Variants in PRR5L observed in about 807,000 individuals in gnomAD.
PRR5L encodes the protein proline-rich protein 5-like.
PRR5L carries 21 observed loss-of-function variants against 36.4 expected under a neutral mutation model. That is an observed-to-expected ratio of 0.58 (90% CI 0.41 to 0.83). PRR5L has a LOEUF of 0.83. Ranked by LOEUF, PRR5L falls within the 40% of genes least tolerant of loss-of-function variation. PRR5L has a pLI of 0.00. For synonymous variants in PRR5L, 188 were observed against 197.0 expected (o/e 0.95, Z 0.38); for missense variants, 381 against 473.3 (o/e 0.80, Z 1.81).
chr11:36,394,868 G>C (rs966096781), intron 1 of PRR5L, among the ~76,000 whole-genome samples: 4 of 152,172 alleles, frequency 2.6e-5, no homozygotes, highest in African/African-American at 9.7e-5. Flanking sequence ...GGGGTGGGGA[G>C]ATGTTTTTCT....
At chr11:36,376,003 G>A in intron 1 of PRR5L, 1 of 456,404 alleles carries the variant, frequency 2.2e-6, no homozygotes, top group South Asian at 1.7e-5. Flanking sequence ...GTTTCCCATT[G>A]CGGGGCAGCT....
rs114850435 is a variant in PRR5L at position 36,440,471 on chromosome 11, G to A, written c.444+2995G>A. ...AAGTCCCAAAGGCAAAATCCATCAT[G>A]TTCTCCAGGTGAGTGCTATAACTAC... On this transcript the variant is annotated intron_variant, in intron 6 of 8. Coordinates refer to ENST00000530639, the MANE Select transcript of PRR5L (RefSeq NM_001160167.2). Among the ~76,000 whole-genome samples the A allele has an allele frequency of 1.8e-3, 271 of 152,252 alleles. 1 individual carries two copies. The highest frequency in any genetic ancestry group is 6.1e-3 in the African/African-American group (253 of 41,536).
chr11:36,376,697 C>G, intron 1 of PRR5L: 1 of 989,830 alleles, frequency 1.0e-6, no homozygotes. Flanking sequence ...GCCGGGGACC[C>G]CAAGGAGGTG....
intron 1 of PRR5L, among the ~76,000 whole-genome samples, chr11:36,380,819 A>G (rs1857354841): frequency 1.3e-5 from 2 of 152,200 alleles, no homozygotes; most frequent in African/African-American, 4.8e-5. Flanking sequence ...CTTTTAAAAA[A>G]TATTGCATTT....
intron 5 of PRR5L, 133 bp downstream of exon 5, chr11:36,432,043 T>A: frequency 1.5e-6 from 1 of 660,838 alleles, no homozygotes; most frequent in Non-Finnish European, 2.6e-6. Context: ...CCTCCCTACC[T>A]AGGCAGCAGC....
rs931207555 is a variant in PRR5L, at chr11:36,377,050, G to A, written c.-125-23947G>A. 2.8e-4 allele frequency among the ~76,000 whole-genome samples: 43 copies of A among 152,298 alleles called. No individual in the cohort carries two copies. Among genetic ancestry groups the A allele is most frequent in the Non-Finnish European group, 1.5e-4 (10 of 68,018 alleles). On this transcript the variant is annotated intron_variant, in intron 1 of 8. Transcript: ENST00000530639. This position sits in a 1 kb window ranked among gnomAD's most constrained non-coding sequence, Gnocchi z 5.1. ...GATCATGGGACCTAGGCTGAGCCGGGAGGTCGAAAAAGAAAGTCGGCTTGT... is the reference window on the plus strand; with the variant it reads ...GATCATGGGACCTAGGCTGAGCCGGAAGGTCGAAAAAGAAAGTCGGCTTGT...
At chr11:36,404,266 G>T (rs569055867) in intron 3 of PRR5L, among the ~76,000 whole-genome samples, 1 of 132,076 alleles carries the variant, frequency 7.6e-6, no homozygotes, top group Non-Finnish European at 1.6e-5. Flanking sequence ...GATCCATCAG[G>T]TCTTTTTTTT....
intron 7 of PRR5L, among the ~76,000 whole-genome samples, chr11:36,449,150 C>T (rs558266982): frequency 2.6e-5 from 4 of 152,286 alleles, no homozygotes; most frequent in African/African-American, 9.6e-5. Context: ...GTGAAGAACC[C>T]GGATCTTTCC....
intron 1 of PRR5L, among the ~76,000 whole-genome samples, chr11:36,306,961 T>C (rs1374375): frequency 3.6e-3 from 555 of 152,290 alleles, no homozygotes; most frequent in African/African-American, 0.013. Context: ...CTCCTACCCA[T>C]TCACAGGGTT....
Position 36,296,304 on chromosome 11 carries a change from G to C in PRR5L, c.-260G>C, listed in dbSNP as rs1486040017. ...TTCTCTGTCAGTCTTCAGGCCCCAG[G>C]TCAGTGAGTGGCAAGCCAGGCCCAG... On this transcript the variant is annotated 5_prime_UTR_variant, in exon 1 of 9. Transcript: ENST00000530639. 1.3e-5 allele frequency: 2 copies of C among 152,164 alleles called. No homozygotes were observed. The highest frequency in any genetic ancestry group is 1.3e-4 in the Admixed American group (2 of 15,270). 9.4% of individuals were successfully genotyped at this position (152,164 alleles called of 1,614,324 possible). A position where few individuals can be genotyped will look rare whatever the true frequency, so the allele number is the denominator to read the frequency against.
At chr11:36,305,077 TG>T (rs1856416774) in intron 1 of PRR5L, among the ~76,000 whole-genome samples, 2 of 152,294 alleles carry the variant, frequency 1.3e-5, no homozygotes, top group South Asian at 4.1e-4. Context: ...CGTTTAGAAA[TG>T]TTCATAGCAG....
At chr11:36,393,692 G>GT (rs1183965762) in intron 1 of PRR5L, among the ~76,000 whole-genome samples, 2 of 152,112 alleles carry the variant, frequency 1.3e-5, no homozygotes, top group African/African-American at 4.8e-5. Context: ...ATTTTAGGAT[G>GT]TTTTTTCTAT....
At chr11:36,442,345 A>AT (rs59412923) in intron 6 of PRR5L, among the ~76,000 whole-genome samples, 85,055 of 147,186 alleles carry the variant, frequency 0.58, 24,519 homozygotes, top group Admixed American at 0.62. Flanking sequence ...GTTTCTTATA[A>AT]TTTTTTTTTT....
At chr11:36,349,101 G>T (rs1357324505) in intron 1 of PRR5L, among the ~76,000 whole-genome samples, 1 of 151,872 alleles carries the variant, frequency 6.6e-6, no homozygotes, top group Non-Finnish European at 1.5e-5. Context: ...TGTGGCCAAC[G>T]TGGTGAAACC....
intron 3 of PRR5L, among the ~76,000 whole-genome samples, chr11:36,413,204 G>A (rs920674996): frequency 2.6e-5 from 4 of 152,222 alleles, no homozygotes; most frequent in African/African-American, 9.6e-5. Flanking sequence ...AGCCAGCACT[G>A]CTGGGGACTC....
At chr11:36,405,345 A>T (rs1374535054) in intron 3 of PRR5L, among the ~76,000 whole-genome samples, 2 of 152,250 alleles carry the variant, frequency 1.3e-5, no homozygotes, top group African/African-American at 4.8e-5. Context: ...TGACTTTTAA[A>T]TGTTGGTAAA....
chr11:36,450,445 G>A (rs1459502785), intron 7 of PRR5L, among the ~76,000 whole-genome samples: 2 of 152,152 alleles, frequency 1.3e-5, no homozygotes, highest in African/African-American at 2.4e-5. Flanking sequence ...GAACTCCCCA[G>A]GAGTCTGCCA....
At chr11:36,428,256 C>A (rs1249715364) in intron 4 of PRR5L, among the ~76,000 whole-genome samples, 3 of 152,168 alleles carry the variant, frequency 2.0e-5, no homozygotes, top group Non-Finnish European at 4.4e-5. Context: ...CATGGGTGAG[C>A]TGGGGCTTTA....
At chr11:36,454,183 C>G (rs1859001382) in intron 8 of PRR5L, 1 of 152,436 alleles carries the variant, frequency 6.6e-6, no homozygotes, top group Non-Finnish European at 1.5e-5. Flanking sequence ...ACCGCCACCC[C>G]CACCCCCACT....
Sources: allele counts gnomAD v4.1 joint callset (sites outside exome capture counted in the v4.1 genomes callset), GRCh38; gene constraint gnomAD v4.1.1; non-coding constraint Gnocchi (gnomAD v3.1); transcripts MANE v1.5; gene names NCBI Gene and HGNC (gene_info 2026-07-23, HGNC 2026-07-21).